Variants in POPDC2 observed in about 807,000 individuals in gnomAD.
POPDC2 encodes the protein popeye domain-containing protein 2.
Under a neutral mutation model 30.5 loss-of-function variants are expected in POPDC2, and 24 were observed. That is an observed-to-expected ratio of 0.79 (90% CI 0.57 to 1.11). The LOEUF (loss-of-function observed/expected upper bound fraction) is 1.11, where lower values mean the gene tolerates loss of function less well. POPDC2 is among the 50% of genes least tolerant of loss of function. The pLI is 0.00. For synonymous variants in POPDC2, 185 were observed against 183.3 expected, an observed-to-expected ratio of 1.01 and a Z score of -0.07; for missense variants, 409 against 447.0, an observed-to-expected ratio of 0.91 and a Z score of 0.77.
rs116248921 is a variant in POPDC2 at position 119,656,028 on chromosome 3, G to A, written c.492-1415C>T. Among the ~76,000 whole-genome samples, 761 of 152,288 alleles carry A rather than the reference G, an allele frequency of 5.0e-3. 4 individuals carry two copies. Among genetic ancestry groups the A allele is most frequent in the African/African-American group, 0.017 (713 of 41,560 alleles). ...CCTGGGAATTTGGAAATGGAATTGC[G>A]TGTAAATCATGCCTTGGATGGGGAC... On this transcript the variant is annotated intron_variant, in intron 1 of 3. Transcript: ENST00000493094.
chr3:119,644,768 A>G (rs2052726844), intron 3 of POPDC2, among the ~76,000 whole-genome samples: 1 of 152,218 alleles, frequency 6.6e-6, no homozygotes, highest in African/African-American at 2.4e-5. Flanking sequence ...TTTGATAACT[A>G]AAGAGCCAGG....
chr3:119,658,289 G>GC (rs1408748112), intron 1 of POPDC2, among the ~76,000 whole-genome samples: 1 of 151,846 alleles, frequency 6.6e-6, no homozygotes, highest in Non-Finnish European at 1.5e-5. Context: ...ACCTTGAAAG[G>GC]CAGGAAAAAA....
intron 3 of POPDC2, among the ~76,000 whole-genome samples, chr3:119,643,108 T>C (rs2052709242): frequency 6.6e-6 from 1 of 152,198 alleles, no homozygotes; most frequent in African/African-American, 2.4e-5. Context: ...AGACCCCTGC[T>C]CTGGCCGTGC....
intron 2 of POPDC2, 98 bp from the exon 3 acceptor site, chr3:119,648,766 T>C (rs2052776064): frequency 2.8e-6 from 3 of 1,084,876 alleles, no homozygotes; most frequent in Non-Finnish European, 4.0e-6. Flanking sequence ...CAGCTGTACT[T>C]TTACTGAAGA....
chr3:119,649,702 T>A (rs1024760280), intron 2 of POPDC2, among the ~76,000 whole-genome samples: 1 of 152,226 alleles, frequency 6.6e-6, no homozygotes, highest in Non-Finnish European at 1.5e-5. Flanking sequence ...TTAAGCACTT[T>A]ATATGAATTG....
At position 119,648,662 on chromosome 3, in the gene POPDC2, G is replaced by C. The variant is rs758045034; in HGVS notation, c.607C>G (p.Leu203Val). 1 of 1,612,160 alleles carries C rather than the reference G, an allele frequency of 6.2e-7. No individual in the cohort carries two copies. The highest frequency in any genetic ancestry group is 2.2e-5 in the East Asian group (1 of 44,882). The change falls in exon 3 of 4, where the codon CTG (leucine) becomes GTG (valine). Residue 203 changes from leucine to valine, a missense_variant. Leu to Val is a conservative substitution (Grantham distance 32). Transcript: ENST00000493094. ...PSEEGVFQVT[L>V]TAETSCSYIS... ...TAGCTACATGAGGTCTCAGCAGTCA[G>C]AGTGACCTGAGAGGGGTCAGAAGCA...
Position 119,660,206 on chromosome 3 carries a change from C to G in POPDC2, c.218G>C (p.Cys73Ser), listed in dbSNP as rs765392935. The change falls in exon 1 of 4, where the codon TGT becomes TCT. Residue 73 changes from cysteine to serine, a missense_variant. Transcript: ENST00000493094. Reference protein sequence around the residue: ...CCVLWGWFSACGLDIVLWSFL... With the variant: ...CCVLWGWFSASGLDIVLWSFL... ...GCTCCAAAGAACAATGTCCAGGCCA[C>G]AGGCACTGAACCAGCCCCACAGCAC... The G allele has an allele frequency of 6.2e-7, 1 of 1,614,242 alleles. No homozygotes were observed. The highest frequency in any genetic ancestry group is 2.2e-5 in the East Asian group (1 of 44,884).
intron 2 of POPDC2, among the ~76,000 whole-genome samples, chr3:119,652,573 C>T (rs2052825087): frequency 1.3e-5 from 2 of 152,136 alleles, no homozygotes; most frequent in African/African-American, 4.8e-5. Context: ...TCCTCTTGAG[C>T]GTAACTTAGG....
Position 119,654,491 on chromosome 3 carries a change from A to G in POPDC2, c.600+14T>C. On this transcript the variant is annotated intron_variant, in intron 2 of 3. Coordinates refer to ENST00000493094, the MANE Select transcript of POPDC2 (RefSeq NM_001369919.2). ...GATGGGGTGAGGCGGTGCTGCCACCAGGCTCCCTGTTACCTGGAACACCCC... is the reference window on the plus strand; with the variant it reads ...GATGGGGTGAGGCGGTGCTGCCACCGGGCTCCCTGTTACCTGGAACACCCC... 6.4e-7 allele frequency: 1 copy of G among 1,573,710 alleles called. No homozygotes were observed. Among genetic ancestry groups the G allele is most frequent in the Non-Finnish European group, 8.7e-7 (1 of 1,144,146 alleles).
intron 2 of POPDC2, 104 bp from the exon 3 acceptor site, chr3:119,648,772 G>A (rs2052776166): frequency 9.6e-7 from 1 of 1,042,144 alleles, no homozygotes. Flanking sequence ...TACTTTTACT[G>A]AAGAAGCTGT....
At chr3:119,645,358 G>C (rs1462465688) in intron 3 of POPDC2, among the ~76,000 whole-genome samples, 2 of 152,102 alleles carry the variant, frequency 1.3e-5, no homozygotes, top group Non-Finnish European at 2.9e-5. Context: ...GTCAGGAGAT[G>C]GAGACCATCC....
In POPDC2 at chr3:119,660,132, G is replaced by A. The variant is rs201434582; in HGVS notation, c.292C>T (p.Arg98Cys). 426 of 1,614,218 alleles carry A rather than the reference G, an allele frequency of 2.6e-4. 7 individuals carry two copies. Among genetic ancestry groups the A allele is most frequent in the South Asian group, 2.2e-4 (20 of 91,080 alleles). ...CLLQLAHLVY[R>C]LREDTLPEEF... ...TCAGGGAGGGTGTCCTCACGCAGGC[G>A]GTATACCAGGTGTGCCAGCTGGAGC... The change falls in exon 1 of 4, where the codon CGC (arginine) becomes TGC (cysteine). Residue 98 changes from arginine (R) to cysteine (C), a missense_variant. By Grantham distance (180) the Arg-to-Cys change is radical. Transcript: ENST00000493094.
At chr3:119,657,295 C>T (rs1441832015) in intron 1 of POPDC2, among the ~76,000 whole-genome samples, 1 of 152,120 alleles carries the variant, frequency 6.6e-6, no homozygotes, top group Non-Finnish European at 1.5e-5. Flanking sequence ...AGTGATAAGT[C>T]CTGGCCAATG....
In POPDC2 at chr3:119,648,288, C is replaced by G; in HGVS notation, c.981G>C (p.Arg327Ser). The part of the protein sequence containing the change: ...TNFPAPPTRA[R>S]LSRPDSGILG... ...GTATGCCACTGTCTGGCCTGGACAA[C>G]CTGGCCCGGGTAGGAGGTGCAGGAA... Residue 327 changes from arginine to serine, a missense_variant, in exon 3 of 4, where the codon AGG (arginine) becomes AGC (serine). By Grantham distance (110) the Arg-to-Ser change is moderately radical. Transcript: ENST00000493094. The G allele has an allele frequency of 6.2e-7, 1 of 1,614,074 alleles. No homozygotes were observed. Among genetic ancestry groups the G allele is most frequent in the Non-Finnish European group, 8.5e-7 (1 of 1,180,008 alleles).
At chr3:119,648,773 A>C in intron 2 of POPDC2, 105 bp from the exon 3 acceptor site, 2 of 1,038,512 alleles carry the variant, frequency 1.9e-6, no homozygotes, top group Non-Finnish European at 2.8e-6. Context: ...ACTTTTACTG[A>C]AGAAGCTGTG....
chr3:119,645,215 G>A (rs2052731361), intron 3 of POPDC2, among the ~76,000 whole-genome samples: 1 of 152,220 alleles, frequency 6.6e-6, no homozygotes, highest in Non-Finnish European at 1.5e-5. Flanking sequence ...ACGATAGTAT[G>A]TATTAAGGGT....
chr3:119,653,759 G>A (rs923827208), intron 2 of POPDC2, among the ~76,000 whole-genome samples: 1 of 152,126 alleles, frequency 6.6e-6, no homozygotes, highest in Non-Finnish European at 1.5e-5. Flanking sequence ...TTACAGGCGT[G>A]AGCCACCGCG....
intron 1 of POPDC2, among the ~76,000 whole-genome samples, chr3:119,657,989 G>T (rs1160645642): frequency 6.6e-6 from 1 of 152,118 alleles, no homozygotes; most frequent in Non-Finnish European, 1.5e-5. Flanking sequence ...GAAAGAGATT[G>T]GTTTCCTTTA....
chr3:119,642,943 G>C (rs2052707422), intron 3 of POPDC2, among the ~76,000 whole-genome samples: 1 of 152,164 alleles, frequency 6.6e-6, no homozygotes, highest in African/African-American at 2.4e-5. Context: ...CAGAAAGATG[G>C]GTAGGAAAAT....
Sources: allele counts gnomAD v4.1 joint callset (sites outside exome capture counted in the v4.1 genomes callset), GRCh38; gene constraint gnomAD v4.1.1; transcripts MANE v1.5; gene names NCBI Gene and HGNC (gene_info 2026-07-23, HGNC 2026-07-21).